The following PDE1A variants were observed in gnomAD, a reference collection of about 807,000 sequenced individuals.
PDE1A encodes the protein phosphodiesterase 1A.
A neutral mutation model predicts 61.7 loss-of-function variants in PDE1A; 35 were observed. The observed-to-expected ratio is 0.57, with a 90% CI of 0.43 to 0.75. PDE1A has a LOEUF of 0.75. PDE1A is among the 30% of genes least tolerant of loss of function. PDE1A has a pLI of 0.00. For missense variants in PDE1A, 597 were observed against 630.6 expected (o/e 0.95, Z 0.57); for synonymous variants, 232 against 213.2 (o/e 1.09, Z -0.77).
chr2:182,522,299 T>A, exon 2 of PDE1A: 2 of 1,613,536 alleles, frequency 1.2e-6, no homozygotes, highest in Non-Finnish European at 1.7e-6. Flanking sequence ...GCTGCCACAT[T>A]TTTTCAGTCT....
At chr2:182,246,347 C>A in intron 2 of PDE1A, among the ~76,000 whole-genome samples, 1 of 151,314 alleles carries the variant, frequency 6.6e-6, no homozygotes, top group Non-Finnish European at 1.5e-5. Flanking sequence ...CAATAGTAAG[C>A]ATTTTTCATT....
the PDE1A span, among the ~76,000 whole-genome samples, chr2:182,543,186 G>T: frequency 2.6e-5 from 4 of 152,080 alleles, no homozygotes; most frequent in African/African-American, 9.7e-5. Context: ...ACATAGCTCA[G>T]ATATAGAAAT....
chr2:182,715,760 T>C, the PDE1A span, among the ~76,000 whole-genome samples: 2 of 152,182 alleles, frequency 1.3e-5, no homozygotes, highest in East Asian at 1.9e-4. Flanking sequence ...TGTAAATGTT[T>C]TAATTTCCTT....
intron 1 of PDE1A, among the ~76,000 whole-genome samples, chr2:182,272,798 T>G (rs368839192): frequency 9.9e-5 from 15 of 152,136 alleles, no homozygotes; most frequent in East Asian, 9.6e-4. Context: ...GTGAAATATA[T>G]GTATGAAAAA....
intron 3 of PDE1A, among the ~76,000 whole-genome samples, chr2:182,237,161 A>G (rs753172494): frequency 6.6e-5 from 10 of 152,214 alleles, no homozygotes; most frequent in Non-Finnish European, 8.8e-5. Flanking sequence ...GGAAGTTTCC[A>G]TAATAGTTAC....
intron 1 of PDE1A, among the ~76,000 whole-genome samples, chr2:182,356,763 A>G (rs1699206134): frequency 6.6e-6 from 1 of 152,202 alleles, no homozygotes; most frequent in African/African-American, 2.4e-5. Context: ...TCACAATAGC[A>G]AAGACTTGGA....
At chr2:182,602,870 G>A in the PDE1A span, among the ~76,000 whole-genome samples, 1 of 152,210 alleles carries the variant, frequency 6.6e-6, no homozygotes, top group Non-Finnish European at 1.5e-5. Flanking sequence ...TACCAGAAGA[G>A]ACACTGGGTT....
rs368054989 is a variant in PDE1A, at chr2:182,289,566, G to C, written c.54-25152C>G. Among the ~76,000 whole-genome samples the C allele has an allele frequency of 2.2e-4, 33 of 152,148 alleles. No homozygotes were observed. In the South Asian group the frequency reaches 6.8e-3, roughly 32 times the overall value. On this transcript the variant is annotated intron_variant, in intron 1 of 13. Transcript: ENST00000351439. ...TTAATCACAAACTCTTCCTTGTTTAGTTTTCTGGTTCAAGAAAAAGCAGAT... is the reference window on the plus strand; with the variant it reads ...TTAATCACAAACTCTTCCTTGTTTACTTTTCTGGTTCAAGAAAAAGCAGAT...
At chr2:182,636,204 C>G in the PDE1A span, among the ~76,000 whole-genome samples, 14 of 151,940 alleles carry the variant, frequency 9.2e-5, no homozygotes, top group Non-Finnish European at 1.8e-4. Flanking sequence ...GTGATCTACC[C>G]GCCTCAGCCT....
the PDE1A span, among the ~76,000 whole-genome samples, chr2:182,602,172 A>AG: frequency 2.0e-5 from 3 of 152,218 alleles, no homozygotes; most frequent in Non-Finnish European, 4.4e-5. Flanking sequence ...CTATGAAGGC[A>AG]GGGGGGCCTT....
intron 2 of PDE1A, among the ~76,000 whole-genome samples, chr2:182,480,571 G>A (rs1325807156): frequency 3.3e-5 from 5 of 151,980 alleles, no homozygotes; most frequent in South Asian, 2.1e-4. Flanking sequence ...CACCTGTGGA[G>A]TACTACACTT....
upstream of PDE1A, among the ~76,000 whole-genome samples, chr2:182,431,133 A>C (rs528948726): frequency 6.6e-6 from 1 of 150,698 alleles, no homozygotes; most frequent in Non-Finnish European, 1.5e-5. Flanking sequence ...AAAAAAAAAA[A>C]AAAAAAAACA....
chr2:182,237,259 G>A (rs1455576221), intron 3 of PDE1A, among the ~76,000 whole-genome samples: 2 of 152,150 alleles, frequency 1.3e-5, no homozygotes, highest in Non-Finnish European at 2.9e-5. Flanking sequence ...TTGGGAGGCC[G>A]AGGCGGGTGA....
intron 6 of PDE1A, among the ~76,000 whole-genome samples, chr2:182,229,258 G>A (rs1195450776): frequency 6.6e-6 from 1 of 152,016 alleles, no homozygotes; most frequent in Non-Finnish European, 1.5e-5. Context: ...AGGCTGAAAT[G>A]GCATTTTCTC....
intron 1 of PDE1A, among the ~76,000 whole-genome samples, chr2:182,367,010 C>T (rs1699871463): frequency 6.6e-6 from 1 of 152,038 alleles, no homozygotes; most frequent in Admixed American, 6.6e-5. Flanking sequence ...ATTTCAAGTA[C>T]TTCTTGACCA....
At chr2:182,408,605 A>AT (rs938329333) in intron 1 of PDE1A, among the ~76,000 whole-genome samples, 10 of 152,054 alleles carry the variant, frequency 6.6e-5, no homozygotes, top group African/African-American at 2.4e-4. Context: ...GAAGACGTTA[A>AT]TTTTTTCCCT....
intron 1 of PDE1A, among the ~76,000 whole-genome samples, chr2:182,408,963 T>C (rs1274641729): frequency 6.6e-6 from 1 of 152,230 alleles, no homozygotes; most frequent in Non-Finnish European, 1.5e-5. Flanking sequence ...AGCTAGTGGC[T>C]GAGCAGGGAC....
the PDE1A span, among the ~76,000 whole-genome samples, chr2:182,703,486 G>T: frequency 6.6e-6 from 1 of 152,114 alleles, no homozygotes; most frequent in Admixed American, 6.6e-5. Context: ...CCAGCTCCCG[G>T]GTTGGGTAAA....
rs551565738 is a variant in PDE1A at position 182,274,232 on chromosome 2, A to G, written c.54-9818T>C. On this transcript the variant is annotated intron_variant, in intron 1 of 13. Coordinates refer to ENST00000351439, the Ensembl canonical transcript of PDE1A. ...CTATGAATTTTGGGGTGACACAAAT[A>G]TATCAAATGGCTTGGGATATTTATT... 4.6e-5 allele frequency among the ~76,000 whole-genome samples: 7 copies of G among 152,258 alleles called. No individual in the cohort carries two copies. In the South Asian group the frequency reaches 1.5e-3, roughly 32 times the overall value.
Sources: allele counts gnomAD v4.1 joint callset (sites outside exome capture counted in the v4.1 genomes callset), GRCh38; gene constraint gnomAD v4.1.1; transcripts MANE v1.5; gene names NCBI Gene and HGNC (gene_info 2026-07-23, HGNC 2026-07-21).